The following PTPRK variants were observed in gnomAD, a reference collection of about 807,000 sequenced individuals.
PTPRK encodes the protein protein tyrosine phosphatase receptor type K.
A neutral mutation model predicts 178.0 loss-of-function variants in PTPRK; 75 were observed. The ratio of observed to expected loss-of-function variants is 0.42; its 90% CI spans 0.35 to 0.51. The LOEUF is 0.51. PTPRK is among the 20% of genes least tolerant of loss of function. The probability of loss-of-function intolerance (pLI) is 0.02; values close to 1 mark genes in which losing one functional copy is unlikely to be tolerated. For synonymous variants in PTPRK, 637 were observed against 620.6 expected, an observed-to-expected ratio of 1.03 and a Z score of -0.39; for missense variants, 1,441 against 1,797.8, an observed-to-expected ratio of 0.80 and a Z score of 3.59.
intron 5 of PTPRK, among the ~76,000 whole-genome samples, chr6:128,220,158 T>C (rs1160148607): frequency 2.0e-5 from 3 of 152,084 alleles, no homozygotes. Flanking sequence ...AAAGACATCA[T>C]ATATAAAGGG....
At chr6:128,016,477 A>C (rs889022090) in intron 13 of PTPRK, among the ~76,000 whole-genome samples, 4 of 151,898 alleles carry the variant, frequency 2.6e-5, no homozygotes, top group African/African-American at 9.7e-5. Context: ...GATCTGCTTC[A>C]AGGGAAGGTC....
intron 2 of PTPRK, among the ~76,000 whole-genome samples, chr6:128,384,683 A>G (rs1838443546): frequency 2.0e-5 from 3 of 152,238 alleles, no homozygotes. Flanking sequence ...TGTGTGCAGA[A>G]CATAATGAAT....
intron 3 of PTPRK, among the ~76,000 whole-genome samples, chr6:128,256,814 CA>C (rs896544002): frequency 6.6e-6 from 1 of 151,708 alleles, no homozygotes; most frequent in East Asian, 1.9e-4. Flanking sequence ...TAAAACACTG[CA>C]AAAAAAGAGG....
intron 8 of PTPRK, among the ~76,000 whole-genome samples, chr6:128,086,652 A>G (rs1207687134): frequency 6.6e-6 from 1 of 152,144 alleles, no homozygotes; most frequent in Non-Finnish European, 1.5e-5. Flanking sequence ...CTTTCCAACA[A>G]CAGATTATGA....
chr6:128,348,396 C>A (rs1344833628), intron 2 of PTPRK, among the ~76,000 whole-genome samples: 2 of 151,798 alleles, frequency 1.3e-5, no homozygotes, highest in Non-Finnish European at 2.9e-5. Flanking sequence ...CTTTCACTTG[C>A]AAATAAAATG....
intron 2 of PTPRK, among the ~76,000 whole-genome samples, chr6:128,376,068 C>T (rs1176401361): frequency 1.3e-5 from 2 of 152,158 alleles, no homozygotes; most frequent in Admixed American, 6.5e-5. Context: ...ACAATGCAAG[C>T]TGTCAGTGGA....
Position 128,485,458 on chromosome 6 carries a change from G to GCACA in PTPRK, c.100+34797_100+34800dup, listed in dbSNP as rs145991670. On this transcript the variant is annotated intron_variant, in intron 1 of 29. Coordinates refer to ENST00000368226, the MANE Select transcript of PTPRK (RefSeq NM_002844.4). ...AGAAAGTCATTCATTGAAAATGCAT[G>GCACA]CACACACACACACACAGATAATGCC... Among the ~76,000 whole-genome samples the GCACA allele has an allele frequency of 1.1e-4, 16 of 150,850 alleles. No homozygotes were observed. The South Asian group carries it at 2.3e-3, about 22-fold the overall frequency.
At chr6:128,305,810 G>A (rs1482570326) in intron 3 of PTPRK, among the ~76,000 whole-genome samples, 1 of 152,182 alleles carries the variant, frequency 6.6e-6, no homozygotes, top group Admixed American at 6.5e-5. Context: ...AATAAGACCA[G>A]TATCCTTCTA....
rs548435765 is a variant in PTPRK, at chr6:128,505,486, A to C, written c.100+14773T>G. 2.0e-5 allele frequency among the ~76,000 whole-genome samples: 3 copies of C among 152,152 alleles called. No individual in the cohort carries two copies. The East Asian group carries it at 5.9e-4, about 30-fold the overall frequency. ...ATAAAATAAAAAATAAATGAAGATG[A>C]GTTTATGAAGACAGCTGCTGCCACC... is the stretch of plus-strand genomic sequence containing the variant. On this transcript the variant is annotated intron_variant, in intron 1 of 29. Coordinates refer to ENST00000368226, the MANE Select transcript of PTPRK (RefSeq NM_002844.4).
At chr6:128,440,363 C>A (rs1322421779) in intron 1 of PTPRK, among the ~76,000 whole-genome samples, 1 of 152,088 alleles carries the variant, frequency 6.6e-6, no homozygotes, top group Non-Finnish European at 1.5e-5. Context: ...TTGCTTAGAT[C>A]CTCTTTCTTT....
chr6:128,516,931 A>C (rs1858126940), intron 1 of PTPRK, among the ~76,000 whole-genome samples: 1 of 151,910 alleles, frequency 6.6e-6, no homozygotes. Flanking sequence ...TCAAGTAAGG[A>C]TTTATACGAG....
chr6:128,421,576 A>C (rs1471235887), intron 1 of PTPRK, among the ~76,000 whole-genome samples: 2 of 152,214 alleles, frequency 1.3e-5, no homozygotes, highest in Non-Finnish European at 2.9e-5. Context: ...GACTCTTCAC[A>C]AGTATTCACT....
At chr6:128,176,499 C>T (rs1456756439) in intron 7 of PTPRK, among the ~76,000 whole-genome samples, 3 of 151,756 alleles carry the variant, frequency 2.0e-5, no homozygotes, top group African/African-American at 7.2e-5. Flanking sequence ...GTAGTGACAG[C>T]TGAATTTGCA....
At chr6:128,035,432 G>A (rs1250770583) in intron 13 of PTPRK, among the ~76,000 whole-genome samples, 1 of 151,900 alleles carries the variant, frequency 6.6e-6, no homozygotes, top group Non-Finnish European at 1.5e-5. Flanking sequence ...TGAATCCTTC[G>A]CTGCTTACTG....
intron 3 of PTPRK, among the ~76,000 whole-genome samples, chr6:128,243,488 T>TA (rs760606919): frequency 0.14 from 8,290 of 59,128 alleles, 712 homozygotes; most frequent in Non-Finnish European, 0.22. Context: ...AGCCTGTCGC[T>TA]AAAAAAAAAA....
At chr6:128,319,072 C>G (rs1422317934) in intron 3 of PTPRK, among the ~76,000 whole-genome samples, 3 of 152,042 alleles carry the variant, frequency 2.0e-5, no homozygotes, top group Non-Finnish European at 4.4e-5. Context: ...AATGATATGT[C>G]AAAAAGCAAA....
chr6:128,229,788 G>T (rs1294345567), intron 5 of PTPRK, among the ~76,000 whole-genome samples: 1 of 151,860 alleles, frequency 6.6e-6, no homozygotes, highest in East Asian at 1.9e-4. Flanking sequence ...GATATTAAAA[G>T]AAAAAAAGAG....
At chr6:128,186,226 T>A (rs565259730) in intron 6 of PTPRK, among the ~76,000 whole-genome samples, 1 of 152,204 alleles carries the variant, frequency 6.6e-6, no homozygotes, top group African/African-American at 2.4e-5. Context: ...GAAATTTATA[T>A]AGGAAACAAA....
chr6:127,991,414 A>C, intron 19 of PTPRK, 23 bp from the exon 20 acceptor site: 1 of 1,529,552 alleles, frequency 6.5e-7, no homozygotes, highest in Non-Finnish European at 8.8e-7. Context: ...TAATTTGAAT[A>C]TTATGTTATC....
Sources: gnomAD v4.1 joint callset for allele counts (sites outside exome capture counted in the v4.1 genomes callset) on GRCh38, gnomAD v4.1.1 for gene constraint, MANE v1.5 for transcripts, NCBI Gene and HGNC (gene_info 2026-07-23, HGNC 2026-07-21) for gene names.